TRMT11: variants seen among roughly 807,000 people sequenced by gnomAD.
The protein encoded by TRMT11 is tRNA (guanine(10)-N(2))-methyltransferase TRMT11.
TRMT11 carries 53 observed loss-of-function variants against 62.8 expected under a neutral mutation model. The ratio of observed to expected loss-of-function variants is 0.84; its 90% CI spans 0.68 to 1.06. The LOEUF (loss-of-function observed/expected upper bound fraction) is 1.06. Among genes scored for constraint, TRMT11 ranks in the 50% least tolerant of loss-of-function variants. The pLI is 0.00. For missense variants in TRMT11, 556 were observed against 553.4 expected, an observed-to-expected ratio of 1.00 and a Z score of -0.05; for synonymous variants, 188 against 190.3, an observed-to-expected ratio of 0.99 and a Z score of 0.10.
chr6:126,151,954 T>TTTCTTTCTG (rs1778062295), intron 21 of TRMT11, among the ~76,000 whole-genome samples: 1 of 130,092 alleles, frequency 7.7e-6, no homozygotes, highest in Non-Finnish European at 1.6e-5. Flanking sequence ...TTTTCTTTCT[T>TTTCTTTCTG]TCTTTTCTTT....
At chr6:126,211,350 T>G in the TRMT11 span, among the ~76,000 whole-genome samples, 2 of 152,208 alleles carry the variant, frequency 1.3e-5, no homozygotes, top group Non-Finnish European at 2.9e-5. Flanking sequence ...TAGTCTCATT[T>G]TTTGCTTACA....
chr6:126,237,377 CT>C, the TRMT11 span, among the ~76,000 whole-genome samples: 1 of 152,106 alleles, frequency 6.6e-6, no homozygotes, highest in Non-Finnish European at 1.5e-5. Flanking sequence ...GTCAGATTAT[CT>C]TAAATTTAAA....
intron 17 of TRMT11, among the ~76,000 whole-genome samples, chr6:126,105,068 A>G (rs567458034): frequency 6.6e-6 from 1 of 152,284 alleles, no homozygotes; most frequent in East Asian, 1.9e-4. Flanking sequence ...TTTTTAATTT[A>G]TTTTAAAAAA....
chr6:126,100,214 A>G (rs1777383331), intron 17 of TRMT11, among the ~76,000 whole-genome samples: 1 of 152,156 alleles, frequency 6.6e-6, no homozygotes, highest in Non-Finnish European at 1.5e-5. Flanking sequence ...TTTCAGTTAT[A>G]TTTGATGATA....
At chr6:126,217,121 C>T in the TRMT11 span, among the ~76,000 whole-genome samples, 1 of 152,174 alleles carries the variant, frequency 6.6e-6, no homozygotes, top group Non-Finnish European at 1.5e-5. Context: ...TTAAATTTCT[C>T]TGATAGAATT....
chr6:126,076,303 A>T (rs1254507819), intron 17 of TRMT11, among the ~76,000 whole-genome samples: 2 of 152,214 alleles, frequency 1.3e-5, no homozygotes, highest in African/African-American at 4.8e-5. Flanking sequence ...AGATCATTGT[A>T]GGACAGAAGG....
downstream of TRMT11, among the ~76,000 whole-genome samples, chr6:126,205,708 C>G (rs1354743282): frequency 6.6e-6 from 1 of 151,974 alleles, no homozygotes; most frequent in Non-Finnish European, 1.5e-5. Context: ...ATTGAAGACT[C>G]TCAGCATTTT....
rs1461794803 is a variant in TRMT11 at position 125,996,020 on chromosome 6, G to C, written c.192G>C (p.Met64Ile). ...IPSEDIARNL[M>I]KRTVCAKSIF... The stretch of plus-strand genomic sequence containing the variant: ...CTGAAGATATTGCAAGAAATTTGAT[G>C]AAACGGACAGTGTGTGCCAAGTAAG... The change falls in exon 3 of 13, where the codon ATG becomes ATC. Residue 64 changes from methionine (M) to isoleucine (I), a missense_variant. Transcript: ENST00000334379. 6.2e-7 allele frequency: 1 copy of C among 1,611,366 alleles called. No homozygotes were observed. Among genetic ancestry groups the C allele is most frequent in the Non-Finnish European group, 8.5e-7 (1 of 1,177,558 alleles).
At chr6:126,060,238 CTT>C (rs560165372) in intron 17 of TRMT11, among the ~76,000 whole-genome samples, 48 of 152,314 alleles carry the variant, frequency 3.2e-4, no homozygotes, top group African/African-American at 1.1e-3. Flanking sequence ...TTTTATTAGA[CTT>C]TTTCAATTCA....
intron 21 of TRMT11, among the ~76,000 whole-genome samples, chr6:126,155,644 T>C (rs538046098): frequency 6.6e-6 from 1 of 152,316 alleles, no homozygotes; most frequent in Admixed American, 6.5e-5. Flanking sequence ...CACATTCTTA[T>C]CTCAAAAGGG....
At chr6:126,228,397 T>C in the TRMT11 span, among the ~76,000 whole-genome samples, 11 of 152,168 alleles carry the variant, frequency 7.2e-5, no homozygotes, top group Non-Finnish European at 1.5e-4. Flanking sequence ...GATGAAGCCA[T>C]AGAATAACGT....
chr6:126,259,028 A>G, the TRMT11 span, among the ~76,000 whole-genome samples: 11 of 152,028 alleles, frequency 7.2e-5, no homozygotes, highest in African/African-American at 2.7e-4. Flanking sequence ...TGATGTGTCC[A>G]TGTGTTCTCA....
chr6:126,171,159 T>TG (rs1778326007), intron 21 of TRMT11, among the ~76,000 whole-genome samples: 1 of 152,152 alleles, frequency 6.6e-6, no homozygotes, highest in African/African-American at 2.4e-5. Context: ...GAATTTATTC[T>TG]GGGGAGGCCA....
chr6:125,995,286 C>T (rs1033927390), intron 2 of TRMT11, among the ~76,000 whole-genome samples: 5 of 152,004 alleles, frequency 3.3e-5, no homozygotes, highest in Non-Finnish European at 5.9e-5. Context: ...AAGGAGAGTG[C>T]GGATATAATT....
chr6:126,217,513 G>A, the TRMT11 span, among the ~76,000 whole-genome samples: 1 of 152,180 alleles, frequency 6.6e-6, no homozygotes, highest in African/African-American at 2.4e-5. Flanking sequence ...CACCGGGATG[G>A]TCTTGGATAA....
the TRMT11 span, among the ~76,000 whole-genome samples, chr6:126,229,266 A>G: frequency 6.6e-6 from 1 of 152,206 alleles, no homozygotes; most frequent in Admixed American, 6.5e-5. Context: ...TAGGTGACAC[A>G]TTTATATTAT....
chr6:126,151,634 A>G (rs1362616004), intron 21 of TRMT11, among the ~76,000 whole-genome samples: 1 of 152,080 alleles, frequency 6.6e-6, no homozygotes, highest in African/African-American at 2.4e-5. Context: ...TCCCACTTTC[A>G]TAGTATCCCC....
chr6:126,070,334 A>G (rs1332261845), intron 17 of TRMT11, among the ~76,000 whole-genome samples: 2 of 152,166 alleles, frequency 1.3e-5, no homozygotes, highest in South Asian at 2.1e-4. Flanking sequence ...TGCAGCACAG[A>G]CACCCTCTTC....
intron 21 of TRMT11, among the ~76,000 whole-genome samples, chr6:126,145,725 C>T (rs1777967502): frequency 6.6e-6 from 1 of 152,104 alleles, no homozygotes. Flanking sequence ...TGTCTGTTTA[C>T]TTCTCTCTGG....
Sources: allele counts gnomAD v4.1 joint callset (sites outside exome capture counted in the v4.1 genomes callset), GRCh38; gene constraint gnomAD v4.1.1; transcripts MANE v1.5; gene names NCBI Gene and HGNC (gene_info 2026-07-23, HGNC 2026-07-21).